The following RARB variants were observed in gnomAD, a reference collection of about 807,000 sequenced individuals.
The protein encoded by RARB is HBV-activated protein.
A neutral mutation model predicts 51.9 loss-of-function variants in RARB; 17 were observed. The ratio of observed to expected loss-of-function variants is 0.33; its 90% CI spans 0.22 to 0.49. The LOEUF is 0.49. Ranked by LOEUF, RARB falls within the 20% of genes least tolerant of loss-of-function variation. The pLI, the probability that RARB is intolerant of heterozygous loss-of-function variation, is 0.99. For missense variants in RARB, 369 were observed against 550.8 expected (o/e 0.67, Z 3.30); for synonymous variants, 215 against 195.4 (o/e 1.10, Z -0.84).
At chr3:25,089,379 A>G (rs531325304) in intron 3 of RARB, among the ~76,000 whole-genome samples, 10 of 152,102 alleles carry the variant, frequency 6.6e-5, no homozygotes, top group Non-Finnish European at 1.5e-4. Flanking sequence ...TTTATTATTT[A>G]CACAAAGTAT....
At position 25,569,981 on chromosome 3, in the gene RARB, G is replaced by GACACAC. The variant is rs56255512; in HGVS notation, c.609+98_609+103dup. On this transcript the variant is annotated intron_variant, in intron 4 of 7. Transcript: ENST00000330688. Reference sequence around the variant, plus strand: ...GAAACCTTGTACGTGCATGTGTGCAGACACACACACACACACACACACACA... The same window carrying GACACAC: ...GAAACCTTGTACGTGCATGTGTGCAGACACACACACACACACACACACACACACACA... 1,493 of 1,069,294 alleles carry GACACAC rather than the reference G, an allele frequency of 1.4e-3. 1 individual carries two copies. Among genetic ancestry groups the GACACAC allele is most frequent in the Non-Finnish European group, 1.4e-3 (1,046 of 765,940 alleles). The allele number at this position is 1,069,294 out of a possible 1,614,324, so 66.2% of individuals were successfully genotyped here.
At chr3:25,478,554 T>A (rs1409866628) in intron 2 of RARB, among the ~76,000 whole-genome samples, 1 of 152,172 alleles carries the variant, frequency 6.6e-6, no homozygotes, top group East Asian at 1.9e-4. Context: ...ACACACTCAC[T>A]CAGTTAAATG....
intron 3 of RARB, among the ~76,000 whole-genome samples, chr3:25,087,486 A>T (rs1006012168): frequency 6.6e-6 from 1 of 152,126 alleles, no homozygotes; most frequent in African/African-American, 2.4e-5. Flanking sequence ...CCTTTTAGCC[A>T]TGTAACCTTG....
intron 3 of RARB, among the ~76,000 whole-genome samples, chr3:25,519,331 A>G (rs997594588): frequency 2.6e-5 from 4 of 152,148 alleles, no homozygotes; most frequent in African/African-American, 9.7e-5. Context: ...TAATTTTATT[A>G]AAAGCAGTTC....
chr3:24,878,130 A>G (rs1225035855), intron 2 of RARB, among the ~76,000 whole-genome samples: 4 of 152,150 alleles, frequency 2.6e-5, no homozygotes, highest in African/African-American at 9.7e-5. Context: ...TGTTGTCTTA[A>G]TGAATAGTCT....
intron 2 of RARB, among the ~76,000 whole-genome samples, chr3:24,992,760 C>G (rs1319152544): frequency 1.3e-5 from 2 of 152,120 alleles, no homozygotes; most frequent in Non-Finnish European, 1.5e-5. Flanking sequence ...CAGTCAGATC[C>G]ATTAGCGATC....
intron 4 of RARB, among the ~76,000 whole-genome samples, chr3:25,172,098 G>C (rs894664750): frequency 6.6e-6 from 1 of 152,132 alleles, no homozygotes; most frequent in African/African-American, 2.4e-5. Flanking sequence ...AAGTTCAGCG[G>C]AGTACTAGGG....
At chr3:25,251,367 A>G (rs763442716) in intron 5 of RARB, among the ~76,000 whole-genome samples, 19 of 152,002 alleles carry the variant, frequency 1.2e-4, no homozygotes, top group Middle Eastern at 6.8e-3. Flanking sequence ...TATGTTTTCA[A>G]TTTTCTTGGG....
At chr3:25,542,488 C>A (rs1016733891) in intron 3 of RARB, among the ~76,000 whole-genome samples, 9 of 152,128 alleles carry the variant, frequency 5.9e-5, no homozygotes, top group African/African-American at 2.2e-4. Flanking sequence ...CCCAATCAAC[C>A]AAACTGTCTA....
chr3:24,851,243 C>T (rs1045984958), intron 1 of RARB, among the ~76,000 whole-genome samples: 19 of 152,004 alleles, frequency 1.2e-4, no homozygotes, highest in Non-Finnish European at 2.6e-4. Context: ...GGCTGGGCAG[C>T]ATGATGAGAC....
At chr3:25,354,569 T>C (rs1009051100) in intron 5 of RARB, among the ~76,000 whole-genome samples, 1 of 152,178 alleles carries the variant, frequency 6.6e-6, no homozygotes, top group African/African-American at 2.4e-5. Flanking sequence ...CGAGTTGTTA[T>C]TCTTCCTCAT....
intron 2 of RARB, among the ~76,000 whole-genome samples, chr3:24,951,419 G>A (rs1695888452): frequency 1.3e-5 from 2 of 152,310 alleles, no homozygotes; most frequent in African/African-American, 2.4e-5. Context: ...TTGTCTTAGG[G>A]CATCGGACAC....
chr3:25,284,581 C>T (rs961343074), intron 5 of RARB, among the ~76,000 whole-genome samples: 2 of 152,008 alleles, frequency 1.3e-5, no homozygotes, highest in Non-Finnish European at 2.9e-5. Flanking sequence ...AGGGAAGCAG[C>T]ATTCTAAAAT....
chr3:25,154,642 C>T (rs1236599352), intron 4 of RARB, among the ~76,000 whole-genome samples: 1 of 152,222 alleles, frequency 6.6e-6, no homozygotes, highest in Non-Finnish European at 1.5e-5. Flanking sequence ...GAGAAAAGTC[C>T]AGTTGCCCAA....
intron 2 of RARB, among the ~76,000 whole-genome samples, chr3:25,484,468 T>C (rs570447544): frequency 1.3e-5 from 2 of 152,304 alleles, no homozygotes; most frequent in Admixed American, 6.5e-5. Flanking sequence ...AAAATATACA[T>C]ATGTTTTAGC....
At chr3:25,345,682 A>T (rs1036142900) in intron 5 of RARB, among the ~76,000 whole-genome samples, 77 of 150,824 alleles carry the variant, frequency 5.1e-4, no homozygotes, top group African/African-American at 1.7e-3. Context: ...AAAAAAAAAA[A>T]AAAATTCATC....
chr3:25,569,979 C>A (rs1700645158), intron 4 of RARB, 61 bp downstream of exon 4: 2 of 1,284,412 alleles, frequency 1.6e-6, no homozygotes, highest in Non-Finnish European at 2.1e-6. Flanking sequence ...TGCATGTGTG[C>A]AGACACACAC....
Position 24,840,342 on chromosome 3 carries a change from C to G in RARB, c.-459+10939C>G, listed in dbSNP as rs73820093. On this transcript the variant is annotated intron_variant, in intron 1 of 11. Coordinates refer to the RARB transcript ENST00000383772. ...ATGGAGCTGTGAAGGTATAAAGGCA[C>G]AGAATAGTTAGAATTTGAATCAGTT... 1.3e-3 allele frequency among the ~76,000 whole-genome samples: 192 copies of G among 152,240 alleles called. 1 individual carries two copies. The highest frequency in any genetic ancestry group is 4.4e-3 in the African/African-American group (181 of 41,536).
chr3:25,523,517 A>G (rs1345595493), intron 3 of RARB, among the ~76,000 whole-genome samples: 1 of 152,212 alleles, frequency 6.6e-6, no homozygotes, highest in East Asian at 1.9e-4. Flanking sequence ...GTTGTGCTGG[A>G]AATAGAACCT....
Sources: allele counts gnomAD v4.1 joint callset (sites outside exome capture counted in the v4.1 genomes callset), GRCh38; gene constraint gnomAD v4.1.1; transcripts MANE v1.5; gene names NCBI Gene and HGNC (gene_info 2026-07-23, HGNC 2026-07-21).